Variants in BLTP1 observed in about 807,000 individuals in gnomAD.
BLTP1 encodes the protein fragile site-associated protein.
chr4:122,296,098 GA>G, the BLTP1 span, among the ~76,000 whole-genome samples: 1 of 152,292 alleles, frequency 6.6e-6, no homozygotes, highest in African/African-American at 2.4e-5. Flanking sequence ...AGTCCGGCAA[GA>G]GAAAGAAAGT....
the BLTP1 span, among the ~76,000 whole-genome samples, chr4:122,228,413 C>G: frequency 6.6e-6 from 1 of 152,144 alleles, no homozygotes; most frequent in African/African-American, 2.4e-5. Context: ...CTACCTCAGG[C>G]AACTACTGAT....
chr4:122,314,276 A>G, the BLTP1 span: 32 of 277,866 alleles, frequency 1.2e-4, no homozygotes, highest in African/African-American at 7.1e-4. Context: ...TAGCTAGAAT[A>G]GAGTTATATA....
At chr4:122,154,737 T>C in the BLTP1 span, among the ~76,000 whole-genome samples, 4 of 152,004 alleles carry the variant, frequency 2.6e-5, no homozygotes, top group Non-Finnish European at 5.9e-5. Flanking sequence ...GCGGACGTGG[T>C]GGCGGGTGCC....
the BLTP1 span, chr4:122,286,844 T>TAGGCCGGGCGCG: frequency 7.1e-7 from 1 of 1,398,922 alleles, no homozygotes; most frequent in South Asian, 1.3e-5. Context: ...AAGATTTATA[T>TAGGCCGGGCGCG]GTACCAAAAT....
chr4:122,355,412 C>T, the BLTP1 span, among the ~76,000 whole-genome samples: 1 of 151,868 alleles, frequency 6.6e-6, no homozygotes, highest in Non-Finnish European at 1.5e-5. Context: ...GAAATTCCAA[C>T]TTCAGACATG....
chr4:122,294,481 A>C, the BLTP1 span, among the ~76,000 whole-genome samples: 1 of 152,160 alleles, frequency 6.6e-6, no homozygotes, highest in Non-Finnish European at 1.5e-5. Context: ...AACTCAGAAC[A>C]CTAGAGTCTG....
the BLTP1 span, among the ~76,000 whole-genome samples, chr4:122,232,792 A>G: frequency 6.6e-6 from 1 of 152,064 alleles, no homozygotes; most frequent in East Asian, 1.9e-4. Flanking sequence ...TCCCAACACA[A>G]CCCTGTGAAA....
At chr4:122,340,165 G>A in the BLTP1 span, among the ~76,000 whole-genome samples, 19 of 152,096 alleles carry the variant, frequency 1.2e-4, no homozygotes, top group African/African-American at 4.1e-4. Context: ...TTTGATAGTC[G>A]TAACTGAGGG....
the BLTP1 span, among the ~76,000 whole-genome samples, chr4:122,198,826 G>A: frequency 6.6e-6 from 1 of 152,150 alleles, no homozygotes; most frequent in Non-Finnish European, 1.5e-5. Context: ...AATGCAGGAT[G>A]CATGTGGAAC....
the BLTP1 span, chr4:122,198,392 T>G: frequency 2.3e-5 from 23 of 985,192 alleles, no homozygotes; most frequent in Non-Finnish European, 2.8e-5. Context: ...CCATACATCT[T>G]TTACAGGTGT....
the BLTP1 span, among the ~76,000 whole-genome samples, chr4:122,180,643 G>T: frequency 6.6e-6 from 1 of 152,192 alleles, no homozygotes; most frequent in African/African-American, 2.4e-5. Flanking sequence ...TGAACAAACA[G>T]CTAATTGAGA....
the BLTP1 span, among the ~76,000 whole-genome samples, chr4:122,206,827 T>C: frequency 1.3e-5 from 2 of 151,646 alleles, no homozygotes; most frequent in African/African-American, 2.4e-5. Context: ...ATTTGGGTAG[T>C]GGAACAGCAG....
the BLTP1 span, chr4:122,234,930 A>C: frequency 6.2e-7 from 1 of 1,613,528 alleles, no homozygotes; most frequent in Non-Finnish European, 8.5e-7. Context: ...TGCATTTTCA[A>C]GCACAAGTGC....
At chr4:122,186,301 A>C in the BLTP1 span, 2 of 1,031,240 alleles carry the variant, frequency 1.9e-6, no homozygotes, top group Admixed American at 3.4e-5. Flanking sequence ...GAGGCTATGC[A>C]CCTAAACAGA....
the BLTP1 span, among the ~76,000 whole-genome samples, chr4:122,310,125 AC>A: frequency 6.6e-6 from 1 of 152,228 alleles, no homozygotes; most frequent in South Asian, 2.1e-4. Context: ...AATCTTGTAA[AC>A]TAAATTACTT....
At chr4:122,199,798 G>A in the BLTP1 span, 236 of 434,042 alleles carry the variant, frequency 5.4e-4, 2 homozygotes, top group East Asian at 7.1e-3. Flanking sequence ...TTCTAGCCCC[G>A]CTGGATTTCT....
At chr4:122,333,684 A>T in the BLTP1 span, 6 of 1,611,534 alleles carry the variant, frequency 3.7e-6, no homozygotes, top group Non-Finnish European at 3.4e-6. Context: ...AAAAAAGAAG[A>T]AGTTTCAAAC....
the BLTP1 span, among the ~76,000 whole-genome samples, chr4:122,282,792 A>C: frequency 2.6e-5 from 4 of 152,202 alleles, no homozygotes; most frequent in Non-Finnish European, 4.4e-5. Flanking sequence ...AACTTTGTTT[A>C]TATGGAATCT....
At chr4:122,334,761 A>G in the BLTP1 span, among the ~76,000 whole-genome samples, 3 of 152,094 alleles carry the variant, frequency 2.0e-5, no homozygotes, top group African/African-American at 7.2e-5. Context: ...TATAAAATAA[A>G]TAATATACCA....
Sources: allele counts gnomAD v4.1 joint callset (sites outside exome capture counted in the v4.1 genomes callset), GRCh38; gene constraint gnomAD v4.1.1; transcripts MANE v1.5; gene names NCBI Gene and HGNC (gene_info 2026-07-23, HGNC 2026-07-21).